Variants in ECT2L observed in about 807,000 individuals in gnomAD.
ECT2L encodes the protein epithelial cell transforming 2 like.
A neutral mutation model predicts 122.8 loss-of-function variants in ECT2L; 126 were observed. The observed-to-expected ratio is 1.03, with a 90% CI of 0.89 to 1.19. The LOEUF (loss-of-function observed/expected upper bound fraction) is 1.19, where lower values mean the gene tolerates loss of function less well. ECT2L is among the 50% of genes most tolerant of loss of function. The pLI, the probability that ECT2L is intolerant of heterozygous loss-of-function variation, is 0.00. For missense variants in ECT2L, 1,012 were observed against 1,064.1 expected, an observed-to-expected ratio of 0.95 and a Z score of 0.68; for synonymous variants, 385 against 381.8, an observed-to-expected ratio of 1.01 and a Z score of -0.10.
intron 4 of ECT2L, among the ~76,000 whole-genome samples, chr6:138,832,657 A>C (rs751600312): frequency 4.6e-5 from 7 of 152,086 alleles, no homozygotes; most frequent in African/African-American, 9.7e-5. Flanking sequence ...TCCTGTCAGT[A>C]GGAAAGCCTA....
rs1408817041 is a variant in ECT2L at position 138,843,152 on chromosome 6, A to T, written c.516A>T (p.Thr172=). Residue 172 remains threonine (T), a synonymous_variant, in exon 6 of 22, where the codon ACA becomes ACT. Coordinates refer to ENST00000541398, the MANE Select transcript of ECT2L (RefSeq NM_001077706.3). ...ATYGTLNEPK[T]EDEELLERQR... ...ATGGGACGCTGAATGAACCCAAAAC[A>T]GAAGATGAGGAACTACTGGAGAGAC... 1 of 1,614,100 alleles carries T rather than the reference A, an allele frequency of 6.2e-7. No homozygotes were observed. Among genetic ancestry groups the T allele is most frequent in the Non-Finnish European group, 8.5e-7 (1 of 1,179,944 alleles).
chr6:138,886,634 T>C (rs1335538663), intron 18 of ECT2L, among the ~76,000 whole-genome samples: 1 of 151,878 alleles, frequency 6.6e-6, no homozygotes, highest in Non-Finnish European at 1.5e-5. Context: ...CCCAGGCTGG[T>C]CTTGAACTCC....
rs142341775 is a variant in ECT2L at position 138,888,698 on chromosome 6, T to C, written c.2326-245T>C. On this transcript the variant is annotated intron_variant, in intron 19 of 21. Coordinates refer to ENST00000541398, the MANE Select transcript of ECT2L (RefSeq NM_001077706.3). ...TTAGGAAAGCACTTACAAATAAAACTATCATGTCAGCAGTTTTAAAACTTT... is the reference window on the plus strand; with the variant it reads ...TTAGGAAAGCACTTACAAATAAAACCATCATGTCAGCAGTTTTAAAACTTT... Among the ~76,000 whole-genome samples, 192 of 152,302 alleles carry C rather than the reference T, an allele frequency of 1.3e-3. 2 individuals carry two copies. The East Asian group carries it at 0.035, about 28-fold the overall frequency.
chr6:138,874,267 A>C (rs1778365329), intron 13 of ECT2L, among the ~76,000 whole-genome samples: 1 of 152,098 alleles, frequency 6.6e-6, no homozygotes, highest in African/African-American at 2.4e-5. Context: ...CGCAGAGCCA[A>C]GGCAAAGACC....
At chr6:138,837,538 C>T (rs114679261) in intron 4 of ECT2L, among the ~76,000 whole-genome samples, 3,511 of 151,802 alleles carry the variant, frequency 0.023, 132 homozygotes, top group African/African-American at 0.08. Context: ...TTAAATAAAT[C>T]GCATAATATA....
At chr6:138,843,487 A>G (rs563000304) in intron 6 of ECT2L, among the ~76,000 whole-genome samples, 2 of 152,258 alleles carry the variant, frequency 1.3e-5, no homozygotes, top group African/African-American at 4.8e-5. Flanking sequence ...GGCTTATAAG[A>G]CCAAAAACAA....
chr6:138,828,405 C>A (rs907738789), intron 4 of ECT2L, among the ~76,000 whole-genome samples: 1 of 152,158 alleles, frequency 6.6e-6, no homozygotes, highest in African/African-American at 2.4e-5. Flanking sequence ...CTGCATTTTG[C>A]TGATTGTAAC....
Position 138,885,500 on chromosome 6 carries a change from T to C in ECT2L, c.2029-6T>C, listed in dbSNP as rs759054304. The C allele has an allele frequency of 7.4e-6, 12 of 1,613,826 alleles. No individual in the cohort carries two copies. The highest frequency in any genetic ancestry group is 1.0e-5 in the Non-Finnish European group (12 of 1,179,686). ...AAGTTTTGACAATATAATCCTCACC[T>C]TTTAGTGCAGAGAAATGATACCAGC... On this transcript the variant is annotated splice_region_variant and splice_polypyrimidine_tract_variant and intron_variant, in intron 16 of 21. Transcript: ENST00000541398.
chr6:138,849,016 G>C (rs980725952), intron 8 of ECT2L, among the ~76,000 whole-genome samples: 3 of 152,124 alleles, frequency 2.0e-5, no homozygotes, highest in Non-Finnish European at 4.4e-5. Flanking sequence ...AGATTAAAAG[G>C]CTGGAAGAAA....
chr6:138,868,402 G>A (rs1194415535), intron 13 of ECT2L, among the ~76,000 whole-genome samples, 196 bp downstream of exon 13: 2 of 151,840 alleles, frequency 1.3e-5, no homozygotes, highest in Admixed American at 1.3e-4. Context: ...CAGACAAGTA[G>A]GAAAATCTTC....
At position 138,798,640 on chromosome 6, in the gene ECT2L, C is replaced by T. The variant is rs573387705; in HGVS notation, c.-244+2448C>T. On this transcript the variant is annotated intron_variant, in intron 1 of 21. Transcript: ENST00000541398. The stretch of plus-strand genomic sequence containing the variant: ...GCATGGAAGTGCCAATGTCAATTTC[C>T]GAGTTCCTCATCAATATACCAGTTG... 1.3e-4 allele frequency among the ~76,000 whole-genome samples: 20 copies of T among 152,244 alleles called. No individual in the cohort carries two copies. The South Asian group carries it at 3.3e-3, about 25-fold the overall frequency.
intron 4 of ECT2L, among the ~76,000 whole-genome samples, chr6:138,818,558 G>A (rs1776147061): frequency 6.6e-6 from 1 of 152,184 alleles, no homozygotes; most frequent in African/African-American, 2.4e-5. Flanking sequence ...TGGTAAAGAG[G>A]TTAAAGAAGA....
At chr6:138,820,326 A>G (rs1031886361) in intron 4 of ECT2L, among the ~76,000 whole-genome samples, 1 of 152,226 alleles carries the variant, frequency 6.6e-6, no homozygotes, top group African/African-American at 2.4e-5. Context: ...TTTGAGGATG[A>G]ACGTCTTTTC....
chr6:138,890,417 C>T (rs1341861940), intron 20 of ECT2L, among the ~76,000 whole-genome samples: 11 of 149,548 alleles, frequency 7.4e-5, no homozygotes, highest in Non-Finnish European at 1.0e-4. Context: ...CTTACCTAGA[C>T]TAGATCTTAA....
At position 138,900,253 on chromosome 6, in the gene ECT2L, C is replaced by CT. The variant is rs200264591; in HGVS notation, c.2415-684dup. On this transcript the variant is annotated intron_variant, in intron 20 of 21. Coordinates refer to ENST00000541398, the MANE Select transcript of ECT2L (RefSeq NM_001077706.3). ...GTTTCTCTCTACCCCAACTTATTAT[C>CT]TTTTTTTTTTTGAGGCGGAGTCTCG... Among the ~76,000 whole-genome samples, 579 of 147,592 alleles carry CT rather than the reference C, an allele frequency of 3.9e-3. 1 individual carries two copies. The highest frequency in any genetic ancestry group is 0.011 in the Middle Eastern group (3 of 280).
intron 5 of ECT2L, among the ~76,000 whole-genome samples, chr6:138,839,082 G>A (rs1331119857): frequency 1.3e-5 from 2 of 152,236 alleles, no homozygotes; most frequent in African/African-American, 4.8e-5. Context: ...ACCCGGCCAA[G>A]GAGTTCACTT....
At chr6:138,873,168 C>T (rs1216030962) in intron 13 of ECT2L, among the ~76,000 whole-genome samples, 2 of 152,162 alleles carry the variant, frequency 1.3e-5, no homozygotes, top group African/African-American at 2.4e-5. Flanking sequence ...TCTATTGCTA[C>T]ATTGTCTGCC....
intron 12 of ECT2L, among the ~76,000 whole-genome samples, chr6:138,867,112 C>T (rs1778071057): frequency 6.6e-6 from 1 of 150,520 alleles, no homozygotes; most frequent in African/African-American, 2.4e-5. Context: ...AAAACAAATG[C>T]CTACTTGAGC....
At chr6:138,866,471 A>C (rs1778043918) in intron 12 of ECT2L, among the ~76,000 whole-genome samples, 1 of 151,476 alleles carries the variant, frequency 6.6e-6, no homozygotes, top group Non-Finnish European at 1.5e-5. Context: ...GGCTGGTCTC[A>C]AACTCCTGAC....
Sources: allele counts gnomAD v4.1 joint callset (sites outside exome capture counted in the v4.1 genomes callset), GRCh38; gene constraint gnomAD v4.1.1; transcripts MANE v1.5; gene names NCBI Gene and HGNC (gene_info 2026-07-23, HGNC 2026-07-21).